Variants in ATP2A2 observed in about 807,000 individuals in gnomAD.
ATP2A2 encodes ATPase sarcoplasmic/endoplasmic reticulum Ca2+ transporting 2.
In ATP2A2, 14 loss-of-function variants were observed where a neutral mutation model predicts 109.3. That is an observed-to-expected ratio of 0.13 (90% CI 0.08 to 0.20). ATP2A2 has a LOEUF of 0.20. Ranked by LOEUF, ATP2A2 falls within the 10% of genes least tolerant of loss-of-function variation. The pLI is 1.00. For synonymous variants in ATP2A2, 506 were observed against 490.9 expected (o/e 1.03, Z -0.41); for missense variants, 657 against 1,321.6 (o/e 0.50, Z 7.80).
At chr12:110,286,530 G>A (rs544306905) in intron 3 of ATP2A2, among the ~76,000 whole-genome samples, 1 of 152,204 alleles carries the variant, frequency 6.6e-6, no homozygotes, top group South Asian at 2.1e-4. Flanking sequence ...TGAAAGCATT[G>A]AATGTTTTTA....
intron 4 of ATP2A2, among the ~76,000 whole-genome samples, chr12:110,293,864 G>GTGTGTGTGTA (rs1262234570): frequency 5.9e-5 from 5 of 84,858 alleles, no homozygotes; most frequent in African/African-American, 3.2e-4. Flanking sequence ...GTGTGTGTGT[G>GTGTGTGTGTA]TATATATTTT....
At position 110,340,015 on chromosome 12, in the gene ATP2A2, T is replaced by TA. The variant is rs1243475877; in HGVS notation, c.1761+297dup. ...CTCTCATCTAAATCATGATTTTTTT[T>TA]AAATTGGTGACATTTCTAGAATATT... On this transcript the variant is annotated intron_variant, in intron 13 of 19. Coordinates refer to ENST00000539276, the MANE Select transcript of ATP2A2 (RefSeq NM_170665.4). This position sits in a 1 kb window ranked among gnomAD's most constrained non-coding sequence, Gnocchi z 6.0. 1.3e-5 allele frequency among the ~76,000 whole-genome samples: 2 copies of TA among 152,232 alleles called. No individual in the cohort carries two copies. The highest frequency in any genetic ancestry group is 2.4e-5 in the African/African-American group (1 of 41,466).
Position 110,302,661 on chromosome 12 carries a change from G to A in ATP2A2, c.463+5924G>A, listed in dbSNP as rs541258589. Among the ~76,000 whole-genome samples, 14 of 151,818 alleles carry A rather than the reference G, an allele frequency of 9.2e-5. No homozygotes were observed. In the South Asian group the frequency reaches 2.9e-3, roughly 32 times the overall value. On this transcript the variant is annotated intron_variant, in intron 5 of 19. Transcript: ENST00000539276. ...GCTGTGCAGGCTGGAATGCAGTAGCGTGATCTCGGTTCACTGCAACCTCTG... is the reference window on the plus strand; with the variant it reads ...GCTGTGCAGGCTGGAATGCAGTAGCATGATCTCGGTTCACTGCAACCTCTG...
At position 110,346,452 on chromosome 12, in the gene ATP2A2, C is replaced by G; in HGVS notation, c.3111C>G (p.Ser1037Arg). 6.2e-7 allele frequency: 1 copy of G among 1,614,106 alleles called. No homozygotes were observed. The highest frequency in any genetic ancestry group is 8.5e-7 in the Non-Finnish European group (1 of 1,180,026). Reference sequence around the variant, plus strand: ...TCTATAGCACAGACACTAACTTTAGCGATATGTTCTGGTCTTGACTGACAG... The same window carrying G: ...TCTATAGCACAGACACTAACTTTAGGGATATGTTCTGGTCTTGACTGACAG... Reference protein sequence around the residue: ...IWVYSTDTNFSDMFWS With the variant: ...IWVYSTDTNFRDMFWS The change falls in exon 20 of 20, where the codon AGC (serine) becomes AGG (arginine). Residue 1037 changes from serine (S) to arginine (R), a missense_variant. Physicochemically the swap from Ser to Arg is moderately radical, Grantham distance 110 (BLOSUM62 -1). This residue lies in a region of ATP2A2 where 53 missense variants were observed against 61.2 expected (regional missense o/e 0.87). Coordinates refer to ENST00000539276, the MANE Select transcript of ATP2A2 (RefSeq NM_170665.4).
intron 5 of ATP2A2, among the ~76,000 whole-genome samples, chr12:110,311,706 T>C (rs1876089819): frequency 1.3e-5 from 2 of 149,676 alleles, no homozygotes; most frequent in African/African-American, 5.0e-5. Context: ...CCAAAGTCTT[T>C]TGTAAAATAT....
At position 110,343,524 on chromosome 12, in the gene ATP2A2, TC is replaced by T. The variant is rs1879559082; in HGVS notation, c.2521+91del. 4.1e-6 allele frequency: 6 copies of T among 1,452,066 alleles called. No individual in the cohort carries two copies. The Admixed American group carries it at 1.1e-4, about 26-fold the overall frequency. The allele number at this position is 1,452,066 out of a possible 1,614,324, so 89.9% of individuals were successfully genotyped here. On this transcript the variant is annotated intron_variant, in intron 16 of 19. Transcript: ENST00000539276. ...ATTCATCCCTTAAAAGCGTGTTTTT[TC>T]TTCTATCCCCGTATAGGGTAGCAAA...
chr12:110,296,269 TCATG>T, intron 4 of ATP2A2: 1 of 353,852 alleles, frequency 2.8e-6, no homozygotes, highest in East Asian at 6.9e-5. Context: ...GTACTGCCTC[TCATG>T]AGACAGAATT....
At position 110,348,089 on chromosome 12, in the gene ATP2A2, A is replaced by T; in HGVS notation, c.*1619A>T. Reference sequence around the variant, plus strand: ...AGAGAGGCATTTCAGCCAGACCAACAGGCTGAAGGAGCTGTGCAGACTATT... The same window carrying T: ...AGAGAGGCATTTCAGCCAGACCAACTGGCTGAAGGAGCTGTGCAGACTATT... On this transcript the variant is annotated 3_prime_UTR_variant, in exon 20 of 20. Transcript: ENST00000539276. 1.0e-6 allele frequency: 1 copy of T among 986,336 alleles called. No homozygotes were observed. The highest frequency in any genetic ancestry group is 1.2e-6 in the Non-Finnish European group (1 of 830,572). The allele number at this position is 986,336 out of a possible 1,614,324, so 61.1% of individuals were successfully genotyped here.
At position 110,334,061 on chromosome 12, in the gene ATP2A2, C is replaced by G; in HGVS notation, c.1337C>G (p.Thr446Ser). ...KVGEATETAL[T>S]CLVEKMNVFD... is the part of the protein sequence containing the mutation. ...GGAGAAGCTACAGAGACTGCTCTCACTTGCCTAGTAGAGAAGATGAATGTA... is the reference window on the plus strand; with the variant it reads ...GGAGAAGCTACAGAGACTGCTCTCAGTTGCCTAGTAGAGAAGATGAATGTA... The change falls in exon 11 of 20, where the codon ACT (threonine) becomes AGT (serine). Residue 446 changes from threonine (T) to serine (S), a missense_variant. Physicochemically the swap from Thr to Ser is moderately conservative, Grantham distance 58 (BLOSUM62 1). Around this residue, in one of 9 missense-constraint regions of ATP2A2, gnomAD observed 180 missense variants for 329.1 expected, o/e 0.55. Coordinates refer to ENST00000539276, the MANE Select transcript of ATP2A2 (RefSeq NM_170665.4). 6.2e-7 allele frequency: 1 copy of G among 1,614,156 alleles called. No individual in the cohort carries two copies. The highest frequency in any genetic ancestry group is 1.6e-4 in the Middle Eastern group (1 of 6,062).
rs1879253811 is a variant in ATP2A2, at chr12:110,340,569, C to T, written c.1762-90C>T. On this transcript the variant is annotated intron_variant, in intron 13 of 19. Coordinates refer to ENST00000539276, the MANE Select transcript of ATP2A2 (RefSeq NM_170665.4). This position sits in a 1 kb window ranked among gnomAD's most constrained non-coding sequence, Gnocchi z 6.0. Reference sequence around the variant, plus strand: ...AAAAAAAAGAAAAAAAATGCAGAAACCTGTCTCAATGTTTAACTGGGCATT... The same window carrying T: ...AAAAAAAAGAAAAAAAATGCAGAAATCTGTCTCAATGTTTAACTGGGCATT... 6 of 1,357,142 alleles carry T rather than the reference C, an allele frequency of 4.4e-6. No homozygotes were observed. Among genetic ancestry groups the T allele is most frequent in the Non-Finnish European group, 6.2e-6 (6 of 970,256 alleles). The allele number at this position is 1,357,142 out of a possible 1,614,324, so 84.1% of individuals were successfully genotyped here.
At chr12:110,305,124 G>A (rs1046082068) in intron 5 of ATP2A2, among the ~76,000 whole-genome samples, 3 of 152,086 alleles carry the variant, frequency 2.0e-5, no homozygotes, top group Non-Finnish European at 4.4e-5. Context: ...AGTAGAAACG[G>A]GGTTTCACCG....
In ATP2A2 at chr12:110,327,761, A is replaced by T; in HGVS notation, c.839A>T (p.Asn280Ile). The change falls in exon 8 of 20, where the codon AAT (asparagine) becomes ATT (isoleucine). Residue 280 changes from asparagine (N) to isoleucine (I), a missense_variant. Around this residue, in one of 9 missense-constraint regions of ATP2A2, gnomAD observed 136 missense variants for 343.9 expected, o/e 0.40. Coordinates refer to ENST00000539276, the MANE Select transcript of ATP2A2 (RefSeq NM_170665.4). This position sits in a 1 kb window ranked among gnomAD's most constrained non-coding sequence, Gnocchi z 4.4. Reference protein sequence around the residue: ...AVWIINIGHFNDPVHGGSWIR... With the variant: ...AVWIINIGHFIDPVHGGSWIR... Reference sequence around the variant, plus strand: ...TGGATCATAAATATTGGGCACTTCAATGACCCGGTTCATGGAGGGTCCTGG... The same window carrying T: ...TGGATCATAAATATTGGGCACTTCATTGACCCGGTTCATGGAGGGTCCTGG... 6.2e-7 allele frequency: 1 copy of T among 1,614,136 alleles called. No individual in the cohort carries two copies.
intron 2 of ATP2A2, 30 bp from the exon 3 acceptor site, chr12:110,282,683 A>G (rs759513687): frequency 6.2e-7 from 1 of 1,613,684 alleles, no homozygotes; most frequent in Admixed American, 1.7e-5. Flanking sequence ...GTAAGATGAC[A>G]GTTAAAACAC....
intron 3 of ATP2A2, among the ~76,000 whole-genome samples, chr12:110,285,967 G>A (rs1002415390): frequency 2.7e-5 from 4 of 147,948 alleles, no homozygotes; most frequent in South Asian, 2.1e-4. Flanking sequence ...CTTGTTGCCC[G>A]GGCTGGAGCG....
At chr12:110,323,371 G>A (rs563798453) in intron 6 of ATP2A2, among the ~76,000 whole-genome samples, 5 of 152,110 alleles carry the variant, frequency 3.3e-5, no homozygotes, top group Non-Finnish European at 7.4e-5. Flanking sequence ...TTTTATTAGA[G>A]ATGGGGTTTT....
rs149638279 is a variant in ATP2A2, at chr12:110,321,277, A to G, written c.464-1715A>G. Among the ~76,000 whole-genome samples, 462 of 152,308 alleles carry G rather than the reference A, an allele frequency of 3.0e-3. 2 individuals are homozygous for G. The highest frequency in any genetic ancestry group is 0.01 in the African/African-American group (434 of 41,550). ...ATTCAATGTTTACTTCTTGGACAGG[A>G]GTGCTATTTTGCCATTTTGTATATG... On this transcript the variant is annotated intron_variant, in intron 5 of 19. Coordinates refer to ENST00000539276, the MANE Select transcript of ATP2A2 (RefSeq NM_170665.4).
chr12:110,337,160 G>A (rs1038007260), intron 11 of ATP2A2, among the ~76,000 whole-genome samples: 1 of 152,224 alleles, frequency 6.6e-6, no homozygotes, highest in East Asian at 1.9e-4. Flanking sequence ...CCAAGGGATC[G>A]GAAACAGCTG....
chr12:110,338,644 C>T (rs911538113), intron 11 of ATP2A2, among the ~76,000 whole-genome samples: 1 of 152,114 alleles, frequency 6.6e-6, no homozygotes, highest in African/African-American at 2.4e-5. Flanking sequence ...GACAGGGTTT[C>T]ACCATGTTGG....
chr12:110,350,197 A>G lies in ATP2A2; in HGVS notation c.*3727A>G, dbSNP rs1880270119. 4 of 1,612,062 alleles carry G rather than the reference A, an allele frequency of 2.5e-6. No homozygotes were observed. The highest frequency in any genetic ancestry group is 3.4e-6 in the Non-Finnish European group (4 of 1,179,222). On this transcript the variant is annotated 3_prime_UTR_variant, in exon 20 of 20. Coordinates refer to ENST00000539276, the MANE Select transcript of ATP2A2 (RefSeq NM_170665.4). ...AAGATCAAGCTGAATGTTCCTTTTC[A>G]TCTGTCGCTGTTGATCTTCATCTAT...
Sources: allele counts gnomAD v4.1 joint callset (sites outside exome capture counted in the v4.1 genomes callset), GRCh38; gene constraint gnomAD v4.1.1; regional missense constraint gnomAD v4.1.1; non-coding constraint Gnocchi (gnomAD v3.1); transcripts MANE v1.5; gene names NCBI Gene and HGNC (gene_info 2026-07-23, HGNC 2026-07-21).